The following EDEM1 variants were observed in gnomAD, a reference collection of about 807,000 sequenced individuals.
EDEM1 encodes the protein ER degradation enhancing alpha-mannosidase like protein 1, also known as ER degradation-enhancing alpha-mannosidase-like protein 1.
In EDEM1, 67 loss-of-function variants were observed where a neutral mutation model predicts 74.4. The observed-to-expected ratio is 0.90, with a 90% CI of 0.74 to 1.10. The LOEUF is 1.10. Ranked by LOEUF, EDEM1 falls within the 50% of genes least tolerant of loss-of-function variation. The pLI, the probability that EDEM1 is intolerant of heterozygous loss-of-function variation, is 0.00. For missense variants in EDEM1, 926 were observed against 851.6 expected, an observed-to-expected ratio of 1.09 and a Z score of -1.09; for synonymous variants, 382 against 335.9, an observed-to-expected ratio of 1.14 and a Z score of -1.50.
intron 8 of EDEM1, among the ~76,000 whole-genome samples, chr3:5,208,920 A>G: frequency 6.6e-6 from 1 of 152,088 alleles, no homozygotes; most frequent in East Asian, 1.9e-4. Flanking sequence ...CCATACATAT[A>G]TACACACTGA....
intron 10 of EDEM1, 111 bp downstream of exon 10, chr3:5,211,327 T>G: frequency 9.6e-7 from 1 of 1,037,044 alleles, no homozygotes; most frequent in Non-Finnish European, 1.5e-6. Flanking sequence ...TGCTGGACAT[T>G]GTGCATTCCC....
chr3:5,197,708 T>C (rs2054986554), intron 2 of EDEM1, among the ~76,000 whole-genome samples: 1 of 152,252 alleles, frequency 6.6e-6, no homozygotes, highest in Admixed American at 6.5e-5. Flanking sequence ...TTAAACAGGC[T>C]TTAACAGATG....
chr3:5,192,699 A>C (rs1407254222), intron 1 of EDEM1, among the ~76,000 whole-genome samples: 1 of 152,210 alleles, frequency 6.6e-6, no homozygotes, highest in Non-Finnish European at 1.5e-5. Context: ...ATGGAGTCAT[A>C]ATAATTTCAT....
In EDEM1 at chr3:5,187,735, G is replaced by T; in HGVS notation, c.-71G>T. The T allele has an allele frequency of 7.0e-7, 1 of 1,430,038 alleles. No individual in the cohort carries two copies. The highest frequency in any genetic ancestry group is 1.4e-5 in the South Asian group (1 of 70,238). The allele number at this position is 1,430,038 out of a possible 1,614,324, so 88.6% of individuals were successfully genotyped here. On this transcript the variant is annotated 5_prime_UTR_variant, in exon 1 of 12. Coordinates refer to ENST00000256497, the MANE Select transcript of EDEM1 (RefSeq NM_014674.3). Reference sequence around the variant, plus strand: ...GGGGAAGCGAGCCGGGCTACGGGGCGAGCGCGGGGTGCGGTGGTCGGCGGG... The same window carrying T: ...GGGGAAGCGAGCCGGGCTACGGGGCTAGCGCGGGGTGCGGTGGTCGGCGGG...
intron 9 of EDEM1, among the ~76,000 whole-genome samples, chr3:5,210,747 G>C (rs2055158038): frequency 6.6e-6 from 1 of 150,588 alleles, no homozygotes; most frequent in Admixed American, 6.6e-5. Flanking sequence ...TAAATAATAA[G>C]TCAATACTCA....
At chr3:5,209,888 T>C (rs986329666) in intron 8 of EDEM1, among the ~76,000 whole-genome samples, 2 of 152,196 alleles carry the variant, frequency 1.3e-5, no homozygotes, top group Admixed American at 1.3e-4. Context: ...GGGCATTGTT[T>C]TGTTTCTAAT....
chr3:5,211,102 C>G lies in EDEM1; in HGVS notation c.1584-18C>G. 1 of 1,612,736 alleles carries G rather than the reference C, an allele frequency of 6.2e-7. No individual in the cohort carries two copies. The highest frequency in any genetic ancestry group is 8.5e-7 in the Non-Finnish European group (1 of 1,179,166). The stretch of plus-strand genomic sequence containing the variant: ...GGGAAGGAAGAGAGGCAGGACTGAC[C>G]AGATGATTGTTTTGTAGGTGTGGGT... On this transcript the variant is annotated intron_variant, in intron 9 of 11. Transcript: ENST00000256497.
Position 5,188,226 on chromosome 3 carries a change from G to C in EDEM1, c.421G>C (p.Gly141Arg). 1.3e-6 allele frequency: 2 copies of C among 1,584,370 alleles called. No individual in the cohort carries two copies. The highest frequency in any genetic ancestry group is 2.3e-5 in the South Asian group (2 of 87,024). Reference sequence around the variant, plus strand: ...CCTGGCACGGGGCATGTTCGTCTTTGGCTACGACAACTACATGGCTCACGC... The same window carrying C: ...CCTGGCACGGGGCATGTTCGTCTTTCGCTACGACAACTACATGGCTCACGC... ...RDLARGMFVF[G>R]YDNYMAHAFP... Residue 141 changes from glycine to arginine, a missense_variant, in exon 1 of 12, where the codon GGC becomes CGC. Transcript: ENST00000256497.
chr3:5,212,296 A>T (rs146958567), intron 10 of EDEM1, among the ~76,000 whole-genome samples: 2 of 152,228 alleles, frequency 1.3e-5, no homozygotes, highest in African/African-American at 4.8e-5. Flanking sequence ...CCAGCAGCCC[A>T]TGTGATCTGT....
intron 1 of EDEM1, among the ~76,000 whole-genome samples, chr3:5,194,493 AGTT>A (rs1312523209): frequency 6.6e-6 from 1 of 152,196 alleles, no homozygotes; most frequent in Non-Finnish European, 1.5e-5. Context: ...GTCATCCTGA[AGTT>A]GGTTTCTTAA....
intron 2 of EDEM1, 145 bp downstream of exon 2, chr3:5,195,426 C>A (rs1489633804): frequency 9.4e-6 from 4 of 424,216 alleles, no homozygotes; most frequent in Non-Finnish European, 1.6e-5. Flanking sequence ...ATTTTAATGA[C>A]CTTAATGGGG....
chr3:5,195,373 C>T (rs2054953007), intron 2 of EDEM1, 92 bp downstream of exon 2: 1 of 641,512 alleles, frequency 1.6e-6, no homozygotes, highest in African/African-American at 1.9e-5. Flanking sequence ...TCCAGGGAGC[C>T]TGATAAGTCA....
rs373755060 is a variant in EDEM1 at position 5,208,277 on chromosome 3, G to GTTT, written c.1509+25_1509+27dup. Reference sequence around the variant, plus strand: ...CTCCTCTACCAGGTACTAGAGTTGTGTTTTTTTTTTTTTCCTTTCACTGCC... The same window carrying GTTT: ...CTCCTCTACCAGGTACTAGAGTTGTGTTTTTTTTTTTTTTTTCCTTTCACTGCC... On this transcript the variant is annotated intron_variant, in intron 8 of 11. Coordinates refer to ENST00000256497, the MANE Select transcript of EDEM1 (RefSeq NM_014674.3). 16 of 1,367,364 alleles carry GTTT rather than the reference G, an allele frequency of 1.2e-5. No individual in the cohort carries two copies. The highest frequency in any genetic ancestry group is 8.8e-5 in the Admixed American group (4 of 45,502). 84.7% of individuals were successfully genotyped at this position (1,367,364 alleles called of 1,614,324 possible).
At position 5,216,366 on chromosome 3, in the gene EDEM1, C is replaced by G. The variant is rs1327021083; in HGVS notation, c.*448C>G. On this transcript the variant is annotated 3_prime_UTR_variant, in exon 12 of 12. Transcript: ENST00000256497. ...TTTTTGGGACAGGGTTACCTGGGCTCAAGTGATCCTTCTGCCTCAGCCTCC... is the reference window on the plus strand; with the variant it reads ...TTTTTGGGACAGGGTTACCTGGGCTGAAGTGATCCTTCTGCCTCAGCCTCC... The G allele has an allele frequency of 2.0e-5, 3 of 152,604 alleles. No homozygotes were observed. The highest frequency in any genetic ancestry group is 4.8e-5 in the African/African-American group (2 of 41,428). 9.5% of individuals were successfully genotyped at this position (152,604 alleles called of 1,614,324 possible). A position where few individuals can be genotyped will look rare whatever the true frequency, so the allele number is the denominator to read the frequency against.
chr3:5,210,161 C>A lies in EDEM1; in HGVS notation c.1510-14C>A. On this transcript the variant is annotated splice_polypyrimidine_tract_variant and intron_variant, in intron 8 of 11. Transcript: ENST00000256497. ...AAGCCCATGCTGGATCACATTCTCT[C>A]GTGTTCTCTCTAGGCAACCAAGAAT... is the stretch of plus-strand genomic sequence containing the variant. The A allele has an allele frequency of 6.2e-7, 1 of 1,611,590 alleles. No individual in the cohort carries two copies. Among genetic ancestry groups the A allele is most frequent in the Non-Finnish European group, 8.5e-7 (1 of 1,177,664 alleles).
chr3:5,194,225 G>C (rs1371411472), intron 1 of EDEM1, among the ~76,000 whole-genome samples: 2 of 152,134 alleles, frequency 1.3e-5, no homozygotes, highest in East Asian at 3.8e-4. Flanking sequence ...GAGCTTTTTT[G>C]CTTTGGTTGC....
intron 11 of EDEM1, among the ~76,000 whole-genome samples, chr3:5,215,582 A>T (rs1406888345): frequency 6.6e-6 from 1 of 152,148 alleles, no homozygotes; most frequent in East Asian, 1.9e-4. Context: ...TCCTCAGGGA[A>T]CATTGGAACA....
At chr3:5,198,414 C>G (rs2054995511) in intron 2 of EDEM1, among the ~76,000 whole-genome samples, 1 of 152,148 alleles carries the variant, frequency 6.6e-6, no homozygotes, top group Non-Finnish European at 1.5e-5. Flanking sequence ...GAGGAATAGT[C>G]ACTTATGCCT....
At position 5,210,253 on chromosome 3, in the gene EDEM1, G is replaced by T. The variant is rs1344189380; in HGVS notation, c.1583+5G>T. The T allele has an allele frequency of 6.2e-7, 1 of 1,612,336 alleles. No homozygotes were observed. Among genetic ancestry groups the T allele is most frequent in the East Asian group, 2.2e-5 (1 of 44,852 alleles). ...GGAAAAGTACACAAAAGTCAAGTCA[G>T]TTTTCTAAGTTCCTACCTTTTTCTG... is the stretch of plus-strand genomic sequence containing the variant. On this transcript the variant is annotated splice_donor_5th_base_variant and intron_variant, in intron 9 of 11. Transcript: ENST00000256497.
Sources: allele counts gnomAD v4.1 joint callset (sites outside exome capture counted in the v4.1 genomes callset), GRCh38; gene constraint gnomAD v4.1.1; transcripts MANE v1.5; gene names NCBI Gene and HGNC (gene_info 2026-07-23, HGNC 2026-07-21).